HABP4: variants seen among roughly 807,000 people sequenced by gnomAD.
HABP4 encodes the protein hyaluronan binding protein 4, also known as intracellular hyaluronan-binding protein 4.
Under a neutral mutation model 44.1 loss-of-function variants are expected in HABP4, and 32 were observed. The observed-to-expected ratio is 0.73, with a 90% CI of 0.55 to 0.97. HABP4 has a LOEUF of 0.97. HABP4 is among the 50% of genes least tolerant of loss of function. HABP4 has a pLI of 0.00. For synonymous variants in HABP4, 216 were observed against 218.0 expected, an observed-to-expected ratio of 0.99 and a Z score of 0.08; for missense variants, 503 against 561.9, an observed-to-expected ratio of 0.90 and a Z score of 1.06.
rs745790329 is a variant in HABP4 at position 96,471,062 on chromosome 9, C to T, written c.795C>T (p.Ser265=). 3 of 1,603,162 alleles carry T rather than the reference C, an allele frequency of 1.9e-6. No homozygotes were observed. Among genetic ancestry groups the T allele is most frequent in the Middle Eastern group, 1.7e-4 (1 of 6,050 alleles). The change falls in exon 5 of 8, where the codon TCC becomes TCT. Residue 265 remains serine (S), a synonymous_variant. Coordinates refer to ENST00000375249, the MANE Select transcript of HABP4 (RefSeq NM_014282.4). ...AGGAACCCACAGTGGTGGAGGAGTC[C>T]CAGGGCACCCCGGAAGAGGAGTCTC... The part of the protein sequence containing the change: ...PMEEPTVVEE[S]QGTPEEESPA...
chr9:96,487,183 A>T (rs976146693), intron 6 of HABP4, among the ~76,000 whole-genome samples: 12 of 148,028 alleles, frequency 8.1e-5, no homozygotes, highest in African/African-American at 2.7e-4. Context: ...AAAGGTGTTG[A>T]TATGCTCGTG....
intron 5 of HABP4, among the ~76,000 whole-genome samples, chr9:96,480,555 A>G (rs1392237923): frequency 3.9e-5 from 6 of 152,188 alleles, no homozygotes; most frequent in African/African-American, 1.4e-4. Flanking sequence ...ACTTACCACT[A>G]CCTAAATGCT....
In HABP4 at chr9:96,477,048, C is replaced by G. The variant is rs10991310; in HGVS notation, c.827+5954C>G. On this transcript the variant is annotated intron_variant, in intron 5 of 7. Transcript: ENST00000375249. ...GCTTGCATTTCATATATACCTTGTC[C>G]TTTTTTGATCTAGTTCTTTGTTTAG... is the stretch of plus-strand genomic sequence containing the variant. Among the ~76,000 whole-genome samples, 947 of 152,284 alleles carry G rather than the reference C, an allele frequency of 6.2e-3. 68 individuals are homozygous for G. In the East Asian group the frequency reaches 0.16, roughly 25 times the overall value.
At chr9:96,466,085 T>A (rs1832596235) in intron 4 of HABP4, among the ~76,000 whole-genome samples, 1 of 152,206 alleles carries the variant, frequency 6.6e-6, no homozygotes, top group Admixed American at 6.6e-5. Flanking sequence ...AAATGCTTTT[T>A]GTTGGCTGCA....
rs1833014164 is a variant in HABP4, at chr9:96,488,405, T to C, written c.1185+131T>C. ...TTCTGTAGCTAGTGTGGGACTGATG[T>C]TGGGGCATTTGGACGGTGTTGTAGC... On this transcript the variant is annotated intron_variant, in intron 7 of 7. Transcript: ENST00000375249. The surrounding 1 kb of genome is among the most constrained non-coding windows in gnomAD (Gnocchi z 4.6). The C allele has an allele frequency of 4.8e-6, 3 of 622,596 alleles. No individual in the cohort carries two copies. The highest frequency in any genetic ancestry group is 1.8e-5 in the African/African-American group (1 of 54,216). 38.6% of individuals were successfully genotyped at this position (622,596 alleles called of 1,614,324 possible).
Position 96,490,228 on chromosome 9 carries a change from CAAG to C in HABP4, c.*195_*197del, listed in dbSNP as rs1251315069. The C allele has an allele frequency of 3.1e-5, 18 of 585,102 alleles. No individual in the cohort carries two copies. Among genetic ancestry groups the C allele is most frequent in the Non-Finnish European group, 5.2e-5 (17 of 329,166 alleles). The allele number at this position is 585,102 out of a possible 1,614,324, so 36.2% of individuals were successfully genotyped here. A position where few individuals can be genotyped will look rare whatever the true frequency, so the allele number is the denominator to read the frequency against. ...AGAGGCTCGAGAGCAGGCCATTTCC[CAAG>C]AAGATGAAGAATGGTGACTGTGTTT... is the stretch of plus-strand genomic sequence containing the variant. On this transcript the variant is annotated 3_prime_UTR_variant, in exon 8 of 8. Coordinates refer to ENST00000375249, the MANE Select transcript of HABP4 (RefSeq NM_014282.4).
intron 5 of HABP4, among the ~76,000 whole-genome samples, chr9:96,478,426 C>T (rs140720347): frequency 2.9e-4 from 44 of 152,120 alleles, no homozygotes; most frequent in African/African-American, 1.0e-3. Flanking sequence ...CCACCGTGCC[C>T]GTCCTGAACA....
intron 7 of HABP4, among the ~76,000 whole-genome samples, chr9:96,489,183 T>C (rs1166666588): frequency 6.6e-6 from 1 of 152,146 alleles, no homozygotes; most frequent in Admixed American, 6.5e-5. Flanking sequence ...ACACAATTTT[T>C]TGGGCGGGGG....
rs185129799 is a variant in HABP4, at chr9:96,458,148, T to C, written c.350-231T>C. 5.9e-5 allele frequency among the ~76,000 whole-genome samples: 9 copies of C among 152,366 alleles called. No individual in the cohort carries two copies. In the East Asian group the frequency reaches 1.7e-3, roughly 29 times the overall value. The stretch of plus-strand genomic sequence containing the variant: ...TTATAGGTGAGCTTAGTTGGTCATA[T>C]ACTTTCTAGGATATAGGGAAAGCAT... On this transcript the variant is annotated intron_variant, in intron 1 of 7. Transcript: ENST00000375249.
At chr9:96,467,491 T>C (rs1832621989) in intron 4 of HABP4, among the ~76,000 whole-genome samples, 1 of 151,250 alleles carries the variant, frequency 6.6e-6, no homozygotes, top group Non-Finnish European at 1.5e-5. Flanking sequence ...TCTTTCTTTC[T>C]CTTTCTCTTT....
intron 2 of HABP4, among the ~76,000 whole-genome samples, chr9:96,460,299 T>G (rs1206925574): frequency 6.6e-6 from 1 of 152,160 alleles, no homozygotes; most frequent in Non-Finnish European, 1.5e-5. Context: ...CCATCTGCCC[T>G]TCGAGACCCC....
Position 96,471,072 on chromosome 9 carries a change from C to G in HABP4, c.805C>G (p.Pro269Ala), listed in dbSNP as rs374727102. The change falls in exon 5 of 8, where the codon CCG becomes GCG. Residue 269 changes from proline to alanine, a missense_variant. Coordinates refer to ENST00000375249, the MANE Select transcript of HABP4 (RefSeq NM_014282.4). ...PTVVEESQGT[P>A]EEESPAKVPE... is the part of the protein sequence containing the mutation. The stretch of plus-strand genomic sequence containing the variant: ...AGTGGTGGAGGAGTCCCAGGGCACC[C>G]CGGAAGAGGAGTCTCCAGCCAAGTA... 52 of 1,591,578 alleles carry G rather than the reference C, an allele frequency of 3.3e-5. No homozygotes were observed. In the African/African-American group the frequency reaches 6.3e-4, roughly 19 times the overall value.
intron 6 of HABP4, 82 bp downstream of exon 6, chr9:96,484,715 G>A (rs757511995): frequency 3.1e-5 from 24 of 772,498 alleles, no homozygotes; most frequent in Middle Eastern, 2.3e-4. Context: ...CTTCTGTCTT[G>A]AAAATGGAAC....
At chr9:96,459,873 C>A (rs1832469281) in intron 2 of HABP4, among the ~76,000 whole-genome samples, 1 of 152,216 alleles carries the variant, frequency 6.6e-6, no homozygotes, top group South Asian at 2.1e-4. Context: ...TATCTGCAAC[C>A]ATGTTGGAGG....
intron 2 of HABP4, among the ~76,000 whole-genome samples, chr9:96,464,661 G>A (rs1368924543): frequency 1.3e-5 from 2 of 152,160 alleles, no homozygotes; most frequent in Non-Finnish European, 2.9e-5. Context: ...CAGGAAGATT[G>A]GTGGCCAGGA....
intron 1 of HABP4, among the ~76,000 whole-genome samples, chr9:96,453,436 C>A (rs1225249592): frequency 6.7e-6 from 1 of 148,636 alleles, no homozygotes; most frequent in Non-Finnish European, 1.5e-5. Flanking sequence ...GTCTTGAACT[C>A]CTGACCTCAG....
rs1833071718 is a variant in HABP4 at position 96,490,466 on chromosome 9, G to A, written c.*428G>A. On this transcript the variant is annotated 3_prime_UTR_variant, in exon 8 of 8. Transcript: ENST00000375249. ...GTTAATGGAAAGCAGTCACAGCTGA[G>A]TTTTCGGAGACCAAGAAATTAAAAT... 1 of 157,976 alleles carries A rather than the reference G, an allele frequency of 6.3e-6. No homozygotes were observed. The highest frequency in any genetic ancestry group is 1.4e-5 in the Non-Finnish European group (1 of 72,092). The allele number at this position is 157,976 out of a possible 1,614,324, so 9.8% of individuals were successfully genotyped here.
At chr9:96,489,611 G>T (rs941478662) in intron 7 of HABP4, among the ~76,000 whole-genome samples, 1 of 152,226 alleles carries the variant, frequency 6.6e-6, no homozygotes, top group Admixed American at 6.5e-5. Context: ...TGAAGCTCCT[G>T]ATTCGATGGT....
intron 5 of HABP4, among the ~76,000 whole-genome samples, chr9:96,482,496 GTGA>G (rs1832896186): frequency 6.6e-6 from 1 of 152,028 alleles, no homozygotes; most frequent in Non-Finnish European, 1.5e-5. Context: ...GTGTATTTTT[GTGA>G]TGATTTTCAA....
Sources: gnomAD v4.1 joint callset for allele counts (sites outside exome capture counted in the v4.1 genomes callset) on GRCh38, gnomAD v4.1.1 for gene constraint, Gnocchi (gnomAD v3.1) non-coding constraint, MANE v1.5 for transcripts, NCBI Gene and HGNC (gene_info 2026-07-23, HGNC 2026-07-21) for gene names.